FAM117B: variants seen among roughly 807,000 people sequenced by gnomAD.
FAM117B encodes the protein protein FAM117B.
Under a neutral mutation model 52.8 loss-of-function variants are expected in FAM117B, and 22 were observed. The observed-to-expected ratio is 0.42, with a 90% CI of 0.30 to 0.59. The LOEUF is 0.59. Among genes scored for constraint, FAM117B ranks in the 20% least tolerant of loss-of-function variants. The pLI is 0.22. For missense variants in FAM117B, 678 were observed against 802.6 expected (o/e 0.84, Z 1.88); for synonymous variants, 309 against 324.1 (o/e 0.95, Z 0.50).
chr2:202,693,808 A>G (rs36126443), intron 1 of FAM117B, among the ~76,000 whole-genome samples: 28,183 of 152,070 alleles, frequency 0.19, 3,313 homozygotes, highest in South Asian at 0.39. Context: ...GTGTCCAATC[A>G]TCTTCTCATT....
At chr2:202,714,771 A>G (rs1691017504) in intron 2 of FAM117B, among the ~76,000 whole-genome samples, 1 of 152,030 alleles carries the variant, frequency 6.6e-6, no homozygotes, top group African/African-American at 2.4e-5. Flanking sequence ...CTGTTTAACA[A>G]AGCACATCTT....
intron 2 of FAM117B, among the ~76,000 whole-genome samples, chr2:202,699,172 A>G (rs1179864949): frequency 6.6e-6 from 1 of 152,104 alleles, no homozygotes; most frequent in African/African-American, 2.4e-5. Context: ...CACGCCTGTA[A>G]TCCCAGCACT....
chr2:202,659,446 A>G (rs1035654617), intron 1 of FAM117B, among the ~76,000 whole-genome samples: 1 of 151,764 alleles, frequency 6.6e-6, no homozygotes, highest in Non-Finnish European at 1.5e-5. Context: ...AGTAGCTGGC[A>G]TTATGGGCGC....
chr2:202,734,045 C>T (rs1691400575), intron 4 of FAM117B, among the ~76,000 whole-genome samples: 1 of 152,142 alleles, frequency 6.6e-6, no homozygotes, highest in Non-Finnish European at 1.5e-5. Flanking sequence ...ATTTATGTTC[C>T]TCTGCTGCGG....
At chr2:202,744,533 C>T (rs1691601233) in intron 4 of FAM117B, among the ~76,000 whole-genome samples, 1 of 152,026 alleles carries the variant, frequency 6.6e-6, no homozygotes, top group Non-Finnish European at 1.5e-5. Context: ...AACAAACATC[C>T]CAATGATAGC....
chr2:202,751,950 G>A (rs1410529143), intron 4 of FAM117B, among the ~76,000 whole-genome samples: 1 of 151,940 alleles, frequency 6.6e-6, no homozygotes, highest in Non-Finnish European at 1.5e-5. Flanking sequence ...GGTAGTGGAT[G>A]CTGAGAATGG....
At chr2:202,722,979 G>A (rs1574569714) in intron 2 of FAM117B, among the ~76,000 whole-genome samples, 1 of 152,124 alleles carries the variant, frequency 6.6e-6, no homozygotes, top group African/African-American at 2.4e-5. Context: ...TGGACTTAAA[G>A]AGCCTGTGGA....
chr2:202,673,443 T>G lies in FAM117B; in HGVS notation c.602-22438T>G, dbSNP rs1307962949. On this transcript the variant is annotated intron_variant, in intron 1 of 7. Transcript: ENST00000392238. ...TATTTTTCTTTTTCTGTTTTTTTTT[T>G]TTTTTTTTTTTTTTTTTTTTTTGAG... Among the ~76,000 whole-genome samples the G allele has an allele frequency of 4.2e-5, 5 of 117,930 alleles. No individual in the cohort carries two copies. The East Asian group carries it at 1.2e-3, about 28-fold the overall frequency. The allele number at this position is 117,930 out of a possible 152,430, so 77.4% of individuals were successfully genotyped here.
At chr2:202,662,179 G>A (rs555237739) in intron 1 of FAM117B, among the ~76,000 whole-genome samples, 2 of 151,962 alleles carry the variant, frequency 1.3e-5, no homozygotes, top group African/African-American at 4.8e-5. Context: ...CAGACTGGTA[G>A]TATATAGAAA....
At chr2:202,756,744 C>T (rs1022196315) in intron 5 of FAM117B, among the ~76,000 whole-genome samples, 2 of 152,084 alleles carry the variant, frequency 1.3e-5, no homozygotes, top group African/African-American at 2.4e-5. Flanking sequence ...ACTTGATTTT[C>T]TCCCCATCAA....
chr2:202,712,494 A>G (rs1690975141), intron 2 of FAM117B, among the ~76,000 whole-genome samples: 1 of 149,180 alleles, frequency 6.7e-6, no homozygotes, highest in Non-Finnish European at 1.5e-5. Context: ...TTATCTGCAA[A>G]CAAGGATAAT....
At chr2:202,649,210 T>G (rs1335679560) in intron 1 of FAM117B, among the ~76,000 whole-genome samples, 1 of 152,212 alleles carries the variant, frequency 6.6e-6, no homozygotes, top group Non-Finnish European at 1.5e-5. Context: ...TTCATCTTAC[T>G]ATTATTTTTT....
chr2:202,754,136 C>T (rs1250619074), intron 4 of FAM117B, among the ~76,000 whole-genome samples: 1 of 152,072 alleles, frequency 6.6e-6, no homozygotes, highest in East Asian at 1.9e-4. Flanking sequence ...GAAATGCCAT[C>T]AATGATAGAC....
rs1164012644 is a variant in FAM117B at position 202,700,912 on chromosome 2, C to T, written c.753+4880C>T. ...ACAGGATCTTGCTATGTTGACCAGG[C>T]TGGTCTTGAACTCCTGGCCTCAAGC... On this transcript the variant is annotated intron_variant, in intron 2 of 7. Coordinates refer to ENST00000392238, the MANE Select transcript of FAM117B (RefSeq NM_173511.4). 3.3e-5 allele frequency among the ~76,000 whole-genome samples: 5 copies of T among 152,248 alleles called. No homozygotes were observed. In the East Asian group the frequency reaches 9.7e-4, roughly 29 times the overall value.
At chr2:202,675,445 C>CAAA (rs386392341) in intron 1 of FAM117B, among the ~76,000 whole-genome samples, 34,787 of 67,554 alleles carry the variant, frequency 0.51, 9,515 homozygotes, top group East Asian at 0.66. Context: ...GACCTTATCT[C>CAAA]AAAAAAAAAA....
intron 1 of FAM117B, among the ~76,000 whole-genome samples, chr2:202,640,320 ATATATATATATATATATATATATG>A (rs1294523710): frequency 2.6e-5 from 3 of 114,974 alleles, no homozygotes; most frequent in African/African-American, 1.1e-4. Flanking sequence ...ATATATATAT[ATATATATATATATATATATATATG>A]GCAAGTCGTG....
At chr2:202,717,666 C>T (rs977537845) in intron 2 of FAM117B, among the ~76,000 whole-genome samples, 1 of 152,190 alleles carries the variant, frequency 6.6e-6, no homozygotes, top group Non-Finnish European at 1.5e-5. Flanking sequence ...AACAGAGTGT[C>T]CTTCTCTGTT....
At chr2:202,687,398 TC>T (rs2105772977) in intron 1 of FAM117B, among the ~76,000 whole-genome samples, 1 of 152,262 alleles carries the variant, frequency 6.6e-6, no homozygotes, top group South Asian at 2.1e-4. Flanking sequence ...CTTTCAAAAC[TC>T]CAAAGATGGG....
chr2:202,658,002 T>G (rs1163549224), intron 1 of FAM117B, among the ~76,000 whole-genome samples: 1 of 152,176 alleles, frequency 6.6e-6, no homozygotes, highest in Non-Finnish European at 1.5e-5. Flanking sequence ...AATCACACAA[T>G]CTATGTTTCT....
Sources: gnomAD v4.1 joint callset for allele counts (sites outside exome capture counted in the v4.1 genomes callset) on GRCh38, gnomAD v4.1.1 for gene constraint, MANE v1.5 for transcripts, NCBI Gene and HGNC (gene_info 2026-07-23, HGNC 2026-07-21) for gene names.